FLRT2: variants seen among roughly 807,000 people sequenced by gnomAD.
The protein encoded by FLRT2 is fibronectin leucine rich transmembrane protein 2, also known as leucine-rich repeat transmembrane protein FLRT2.
Under a neutral mutation model 40.0 loss-of-function variants are expected in FLRT2, and 15 were observed. The observed-to-expected ratio is 0.38, with a 90% confidence interval of 0.25 to 0.58. The LOEUF (loss-of-function observed/expected upper bound fraction) is 0.58. FLRT2 is among the 20% of genes least tolerant of loss of function. FLRT2 has a pLI of 0.71. For synonymous variants in FLRT2, 380 were observed against 336.8 expected, an observed-to-expected ratio of 1.13 and a Z score of -1.41; for missense variants, 726 against 840.0, an observed-to-expected ratio of 0.86 and a Z score of 1.68.
chr14:85,570,978 A>G (rs1890866848), intron 1 of FLRT2, among the ~76,000 whole-genome samples: 2 of 152,112 alleles, frequency 1.3e-5, no homozygotes, highest in South Asian at 4.1e-4. Flanking sequence ...TCAAGAGTTT[A>G]GATTTTAAAG....
At chr14:85,566,549 TTGTGTGTGTG>T (rs61634735) in intron 1 of FLRT2, among the ~76,000 whole-genome samples, 1 of 130,824 alleles carries the variant, frequency 7.6e-6, no homozygotes, top group Non-Finnish European at 1.7e-5. Context: ...ACTTCCATGG[TTGTGTGTGTG>T]TGTGTGTGTG....
intron 1 of FLRT2, among the ~76,000 whole-genome samples, chr14:85,575,644 AC>A (rs908565612): frequency 1.3e-5 from 2 of 152,158 alleles, no homozygotes; most frequent in African/African-American, 4.8e-5. Context: ...CCTCAACTGC[AC>A]TTTTTTTTCC....
chr14:85,604,391 C>G (rs750936210), intron 1 of FLRT2, among the ~76,000 whole-genome samples: 1 of 152,022 alleles, frequency 6.6e-6, no homozygotes, highest in Non-Finnish European at 1.5e-5. Flanking sequence ...ATTTTATTTA[C>G]GTGACTAGAT....
intron 1 of FLRT2, among the ~76,000 whole-genome samples, chr14:85,599,953 T>C (rs903521606): frequency 1.1e-4 from 17 of 147,870 alleles, no homozygotes; most frequent in African/African-American, 3.9e-4. Context: ...AAGTTGTTAA[T>C]AGGACAGTAT....
chr14:85,603,280 A>C (rs1189585524), intron 1 of FLRT2, among the ~76,000 whole-genome samples: 3 of 152,140 alleles, frequency 2.0e-5, no homozygotes, highest in Non-Finnish European at 4.4e-5. Context: ...AGAACAGTAG[A>C]TAGAGGCCCC....
At chr14:85,603,478 A>G (rs891181191) in intron 1 of FLRT2, among the ~76,000 whole-genome samples, 3 of 152,210 alleles carry the variant, frequency 2.0e-5, no homozygotes, top group Non-Finnish European at 4.4e-5. Context: ...GATAAGGATG[A>G]GATAAGGTCA....
chr14:85,561,992 C>T (rs1237337753), intron 1 of FLRT2, among the ~76,000 whole-genome samples: 1 of 152,196 alleles, frequency 6.6e-6, no homozygotes, highest in Non-Finnish European at 1.5e-5. Flanking sequence ...CACATTCCCT[C>T]ATTTCTTTTC....
intron 1 of FLRT2, among the ~76,000 whole-genome samples, chr14:85,606,990 G>C (rs2139344033): frequency 6.7e-6 from 1 of 149,038 alleles, no homozygotes; most frequent in African/African-American, 2.5e-5. Context: ...TAATACTACA[G>C]ATCTACTGTA....
intron 1 of FLRT2, among the ~76,000 whole-genome samples, chr14:85,620,260 C>G (rs535604178): frequency 6.7e-6 from 1 of 150,216 alleles, no homozygotes; most frequent in Non-Finnish European, 1.5e-5. Context: ...TCTTTTTTTT[C>G]TTTGAATGAT....
At chr14:85,612,989 T>G (rs2753611) in intron 1 of FLRT2, among the ~76,000 whole-genome samples, 126,324 of 152,078 alleles carry the variant, frequency 0.83, 52,538 homozygotes, top group East Asian at 0.88. Context: ...GAAGTAGGCC[T>G]TGTTTATATT....
intron 1 of FLRT2, among the ~76,000 whole-genome samples, chr14:85,605,219 T>C (rs1892552936): frequency 6.6e-6 from 1 of 152,200 alleles, no homozygotes. Flanking sequence ...TTCTCTCAGC[T>C]ACATTGTGCT....
Position 85,636,929 on chromosome 14 carries a change from CAAAAAAAAAAAAAAA to C in FLRT2, c.*13443_*13457del, listed in dbSNP as rs397853459. 2.6e-5 allele frequency: 1 copy of C among 38,620 alleles called. No homozygotes were observed. The highest frequency in any genetic ancestry group is 3.4e-4 in the Admixed American group (1 of 2,944). 2.4% of individuals were successfully genotyped at this position (38,620 alleles called of 1,614,324 possible). On this transcript the variant is annotated 3_prime_UTR_variant, in exon 2 of 2. Coordinates refer to ENST00000330753, the MANE Select transcript of FLRT2 (RefSeq NM_013231.6). ...GGGTGACAGAGCGATACTTCGTCTC[CAAAAAAAAAAAAAAA>C]AAAAAAAAAAGAGAGAGACTAACAT...
chr14:85,553,651 C>T (rs1889779591), intron 1 of FLRT2, among the ~76,000 whole-genome samples: 1 of 151,716 alleles, frequency 6.6e-6, no homozygotes, highest in African/African-American at 2.4e-5. Flanking sequence ...GTTATCAAGT[C>T]AGGAGTTAAC....
intron 1 of FLRT2, among the ~76,000 whole-genome samples, chr14:85,603,241 G>A (rs1892457751): frequency 6.6e-6 from 1 of 152,094 alleles, no homozygotes; most frequent in African/African-American, 2.4e-5. Flanking sequence ...AGCTGCAACA[G>A]AGAACAACGC....
intron 1 of FLRT2, among the ~76,000 whole-genome samples, chr14:85,561,688 A>G (rs1315350949): frequency 6.6e-6 from 1 of 152,260 alleles, no homozygotes; most frequent in African/African-American, 2.4e-5. Context: ...ATAAAGTTAC[A>G]GAATGACTGC....
intron 1 of FLRT2, among the ~76,000 whole-genome samples, chr14:85,544,150 G>A (rs1955411): frequency 0.9 from 136,390 of 152,214 alleles, 61,473 homozygotes; most frequent in Middle Eastern, 0.95. Context: ...GGAGGGGGAA[G>A]TACAACCACC....
chr14:85,585,407 G>C (rs72693206), intron 1 of FLRT2, among the ~76,000 whole-genome samples: 5,638 of 152,198 alleles, frequency 0.037, 165 homozygotes, highest in Non-Finnish European at 0.055. Context: ...ATTTGATGGG[G>C]CCCAGCAGTG....
At chr14:85,552,491 A>T (rs1889695684) in intron 1 of FLRT2, among the ~76,000 whole-genome samples, 1 of 152,180 alleles carries the variant, frequency 6.6e-6, no homozygotes, top group Non-Finnish European at 1.5e-5. Context: ...GAAAAAGTTA[A>T]GGTGAGTATC....
chr14:85,621,022 C>T, intron 1 of FLRT2, 117 bp from the exon 2 acceptor site: 1 of 157,782 alleles, frequency 6.3e-6, no homozygotes, highest in African/African-American at 2.4e-5. Flanking sequence ...AATGCCAGCC[C>T]TGGCCCCTCA....
Sources: allele counts gnomAD v4.1 joint callset (sites outside exome capture counted in the v4.1 genomes callset), GRCh38; gene constraint gnomAD v4.1.1; transcripts MANE v1.5; gene names NCBI Gene and HGNC (gene_info 2026-07-23, HGNC 2026-07-21).